The following KCNMA1 variants were observed in gnomAD, a reference collection of about 807,000 sequenced individuals.
KCNMA1 encodes potassium calcium-activated channel subfamily M alpha 1.
A neutral mutation model predicts 140.0 loss-of-function variants in KCNMA1; 29 were observed. That is an observed-to-expected ratio of 0.21 (90% CI 0.15 to 0.28). KCNMA1 has a LOEUF of 0.28. Among genes scored for constraint, KCNMA1 ranks in the 10% least tolerant of loss-of-function variants. The pLI is 1.00. For synonymous variants in KCNMA1, 612 were observed against 611.9 expected, an observed-to-expected ratio of 1.00 and a Z score of 0.00; for missense variants, 880 against 1,602.2, an observed-to-expected ratio of 0.55 and a Z score of 7.70.
Position 77,060,506 on chromosome 10 carries a change from TC to T in KCNMA1, c.1749+12590del, listed in dbSNP as rs142443223. 7.1e-3 allele frequency among the ~76,000 whole-genome samples: 1,083 copies of T among 152,268 alleles called. 9 individuals carry two copies. The highest frequency in any genetic ancestry group is 0.022 in the African/African-American group (933 of 41,544). On this transcript the variant is annotated intron_variant, in intron 14 of 27. Transcript: ENST00000286628. The stretch of plus-strand genomic sequence containing the variant: ...AGTACTTGTTTTCTAGTTTCACAGA[TC>T]CAAAAATGGAGAAGAATTTTGTCCC...
intron 1 of KCNMA1, among the ~76,000 whole-genome samples, chr10:77,614,888 T>C (rs1197049931): frequency 2.0e-5 from 3 of 152,272 alleles, no homozygotes; most frequent in South Asian, 4.1e-4. Flanking sequence ...ATGGGACAAG[T>C]TGCCAATGAG....
chr10:76,948,623 G>A (rs1051429395), intron 22 of KCNMA1, among the ~76,000 whole-genome samples: 8 of 152,122 alleles, frequency 5.3e-5, no homozygotes, highest in Non-Finnish European at 8.8e-5. Context: ...CCATGAACAC[G>A]TTGCTGGACT....
intron 3 of KCNMA1, among the ~76,000 whole-genome samples, chr10:77,241,956 A>T (rs1460342699): frequency 6.6e-6 from 1 of 152,182 alleles, no homozygotes; most frequent in Admixed American, 6.6e-5. Context: ...GAGTCCATGG[A>T]AATCACAGCA....
chr10:77,485,130 C>T (rs977842485), intron 1 of KCNMA1, among the ~76,000 whole-genome samples: 1 of 152,216 alleles, frequency 6.6e-6, no homozygotes, highest in South Asian at 2.1e-4. Context: ...TAAAATACAG[C>T]TGTGGAGACA....
intron 2 of KCNMA1, among the ~76,000 whole-genome samples, chr10:77,343,156 G>C (rs748341757): frequency 1.7e-4 from 26 of 152,146 alleles, no homozygotes; most frequent in Non-Finnish European, 3.5e-4. Flanking sequence ...GTTCTCAAGA[G>C]ACTGAAGGGG....
At chr10:77,203,312 G>T (rs749815477) in intron 3 of KCNMA1, among the ~76,000 whole-genome samples, 2 of 152,156 alleles carry the variant, frequency 1.3e-5, no homozygotes, top group Non-Finnish European at 2.9e-5. Flanking sequence ...ATGAACAGCA[G>T]CTAAGAATGG....
intron 5 of KCNMA1, among the ~76,000 whole-genome samples, chr10:77,156,358 G>A (rs113434146): frequency 0.013 from 1,901 of 151,220 alleles, 47 homozygotes; most frequent in African/African-American, 0.044. Flanking sequence ...TTTAGCGATT[G>A]CTTCATTTTT....
chr10:77,366,739 G>A (rs1235317709), intron 2 of KCNMA1, among the ~76,000 whole-genome samples: 2 of 152,204 alleles, frequency 1.3e-5, no homozygotes, highest in Non-Finnish European at 2.9e-5. Context: ...CTTTACAAAT[G>A]TGGATGAACC....
intron 2 of KCNMA1, among the ~76,000 whole-genome samples, chr10:77,343,645 A>G (rs2091507672): frequency 6.6e-6 from 1 of 152,232 alleles, no homozygotes; most frequent in African/African-American, 2.4e-5. Flanking sequence ...GAGGAGACAC[A>G]AATCCCATAT....
intron 14 of KCNMA1, among the ~76,000 whole-genome samples, chr10:77,044,206 G>C (rs1424706629): frequency 6.6e-6 from 1 of 152,110 alleles, no homozygotes; most frequent in Non-Finnish European, 1.5e-5. Flanking sequence ...CAGAACTTCA[G>C]TCTTTATACC....
At chr10:76,950,330 C>A (rs1228438125) in intron 21 of KCNMA1, among the ~76,000 whole-genome samples, 5 of 152,198 alleles carry the variant, frequency 3.3e-5, no homozygotes, top group Admixed American at 3.3e-4. Flanking sequence ...TTACAAGGGG[C>A]TAGAGAGAGA....
At chr10:77,443,525 C>T (rs571514483) in intron 1 of KCNMA1, among the ~76,000 whole-genome samples, 17 of 152,146 alleles carry the variant, frequency 1.1e-4, no homozygotes, top group East Asian at 9.7e-4. Flanking sequence ...CCCCAGCACA[C>T]GAGGAATCTA....
chr10:77,072,444 T>C (rs546044430), intron 14 of KCNMA1, among the ~76,000 whole-genome samples: 2 of 147,784 alleles, frequency 1.4e-5, no homozygotes, highest in Non-Finnish European at 3.0e-5. Context: ...TCTCCTTGCC[T>C]GCACTGGTGC....
intron 2 of KCNMA1, among the ~76,000 whole-genome samples, chr10:77,324,049 G>T (rs1373254930): frequency 6.6e-6 from 1 of 152,208 alleles, no homozygotes; most frequent in Non-Finnish European, 1.5e-5. Flanking sequence ...CTTCTGTGGG[G>T]ATTCTGGTGG....
rs139508347 is a variant in KCNMA1, at chr10:76,920,905, C to T, written c.2903-5856G>A. Among the ~76,000 whole-genome samples the T allele has an allele frequency of 7.3e-4, 111 of 152,298 alleles. 2 individuals are homozygous for T. In the East Asian group the frequency reaches 0.019, roughly 26 times the overall value. On this transcript the variant is annotated intron_variant, in intron 23 of 27. Transcript: ENST00000286628. ...ACCCATTGTAGTTATGCTTAACTTG[C>T]TTTGGTATGGCAGCATGCACAACTC... is the stretch of plus-strand genomic sequence containing the variant.
At chr10:77,138,098 C>T (rs964917997) in intron 5 of KCNMA1, among the ~76,000 whole-genome samples, 2 of 152,168 alleles carry the variant, frequency 1.3e-5, no homozygotes, top group Non-Finnish European at 1.5e-5. Context: ...CACACATGCA[C>T]AGAGTCACTG....
chr10:77,459,404 G>T (rs2097817072), intron 1 of KCNMA1, among the ~76,000 whole-genome samples: 1 of 152,246 alleles, frequency 6.6e-6, no homozygotes, highest in Non-Finnish European at 1.5e-5. Flanking sequence ...ACAGCAGGCA[G>T]CTGGGACACA....
chr10:77,587,076 CCTGATCTTGT>C (rs1227709921), intron 1 of KCNMA1: 1 of 152,224 alleles, frequency 6.6e-6, no homozygotes, highest in African/African-American at 2.4e-5. Flanking sequence ...CCTGGACACA[CCTGATCTTGT>C]CTGATCTTGG....
At chr10:77,001,824 C>T (rs2086572564) in intron 18 of KCNMA1, among the ~76,000 whole-genome samples, 1 of 152,082 alleles carries the variant, frequency 6.6e-6, no homozygotes, top group African/African-American at 2.4e-5. Flanking sequence ...ATTTTTCTCC[C>T]CTAGGTAAAG....
Sources: gnomAD v4.1 joint callset for allele counts (sites outside exome capture counted in the v4.1 genomes callset) on GRCh38, gnomAD v4.1.1 for gene constraint, MANE v1.5 for transcripts, NCBI Gene and HGNC (gene_info 2026-07-23, HGNC 2026-07-21) for gene names.